CACNB2: variants seen among roughly 807,000 people sequenced by gnomAD.
The protein encoded by CACNB2 is voltage-dependent L-type calcium channel subunit beta-2.
A neutral mutation model predicts 73.3 loss-of-function variants in CACNB2; 42 were observed. The observed-to-expected ratio is 0.57, with a 90% CI of 0.45 to 0.74. The LOEUF (loss-of-function observed/expected upper bound fraction) is 0.74. Ranked by LOEUF, CACNB2 falls within the 30% of genes least tolerant of loss-of-function variation. The pLI is 0.00. For missense variants in CACNB2, 940 were observed against 853.0 expected (o/e 1.10, Z -1.27); for synonymous variants, 348 against 310.3 (o/e 1.12, Z -1.28).
intron 2 of CACNB2, among the ~76,000 whole-genome samples, chr10:18,361,612 CT>C (rs56220879): frequency 0.012 from 1,562 of 125,362 alleles, 31 homozygotes; most frequent in African/African-American, 0.034. Context: ...AGGTAAAATT[CT>C]TTTTTTTTTT....
At chr10:18,206,841 A>C (rs2035116940) in intron 2 of CACNB2, 1 of 152,164 alleles carries the variant, frequency 6.6e-6, no homozygotes, top group Admixed American at 6.5e-5. Context: ...AAGCCAACCA[A>C]AGTTTTAAGT....
At chr10:18,489,953 C>G (rs1359632847) in intron 3 of CACNB2, among the ~76,000 whole-genome samples, 2 of 152,138 alleles carry the variant, frequency 1.3e-5, no homozygotes. Context: ...TCATGGCTCA[C>G]TGCACCCTTG....
chr10:18,438,264 C>A (rs2046247886), intron 3 of CACNB2, among the ~76,000 whole-genome samples: 1 of 150,062 alleles, frequency 6.7e-6, no homozygotes. Flanking sequence ...CTCCTGACCT[C>A]GTGGTCCGCC....
At chr10:18,296,290 A>G (rs7089228) in intron 2 of CACNB2, among the ~76,000 whole-genome samples, 48,914 of 151,644 alleles carry the variant, frequency 0.32, 7,985 homozygotes, top group Middle Eastern at 0.35. Context: ...CCCTTTCTGG[A>G]TTACATTAGG....
At chr10:18,486,875 G>A (rs776228242) in intron 3 of CACNB2, among the ~76,000 whole-genome samples, 2 of 152,142 alleles carry the variant, frequency 1.3e-5, no homozygotes, top group African/African-American at 2.4e-5. Context: ...ATTGTCTCAC[G>A]GCAGGGAAAT....
In CACNB2 at chr10:18,183,981, A is replaced by G. The variant is rs556675662; in HGVS notation, c.213+33006A>G. Among the ~76,000 whole-genome samples the G allele has an allele frequency of 2.0e-5, 3 of 152,336 alleles. No individual in the cohort carries two copies. In the East Asian group the frequency reaches 5.8e-4, roughly 29 times the overall value. ...TGCAGATGAAACAATTATAGTACCT[A>G]TCTAATTGAGTTGTTGAAAGGATTA... is the stretch of plus-strand genomic sequence containing the variant. On this transcript the variant is annotated intron_variant, in intron 2 of 13. Transcript: ENST00000324631.
chr10:18,413,558 C>A (rs1451110668), intron 3 of CACNB2, among the ~76,000 whole-genome samples: 4 of 152,190 alleles, frequency 2.6e-5, no homozygotes, highest in Non-Finnish European at 5.9e-5. Flanking sequence ...TTTCCATTCT[C>A]ATTACCTCCA....
intron 2 of CACNB2, among the ~76,000 whole-genome samples, chr10:18,289,477 G>T (rs1238883743): frequency 6.6e-6 from 1 of 151,670 alleles, no homozygotes; most frequent in Non-Finnish European, 1.5e-5. Flanking sequence ...TGTATTTTTA[G>T]TAGAGATGGA....
chr10:18,287,164 A>G (rs568768899), intron 2 of CACNB2, among the ~76,000 whole-genome samples: 1 of 152,152 alleles, frequency 6.6e-6, no homozygotes, highest in African/African-American at 2.4e-5. Flanking sequence ...CCCCGTCTCT[A>G]CTAAAAACAC....
intron 2 of CACNB2, among the ~76,000 whole-genome samples, chr10:18,249,159 A>G (rs1588841634): frequency 1.3e-5 from 2 of 152,098 alleles, no homozygotes; most frequent in South Asian, 4.1e-4. Context: ...CTCTAAAAAG[A>G]CCTTCCCACT....
At chr10:18,473,718 TGAA>T (rs2048303905) in intron 3 of CACNB2, among the ~76,000 whole-genome samples, 1 of 152,230 alleles carries the variant, frequency 6.6e-6, no homozygotes, top group African/African-American at 2.4e-5. Context: ...ATAGCCGAAG[TGAA>T]GAAGGAGATT....
intron 3 of CACNB2, among the ~76,000 whole-genome samples, chr10:18,497,462 C>G (rs547719355): frequency 6.6e-6 from 1 of 152,048 alleles, no homozygotes; most frequent in Non-Finnish European, 1.5e-5. Context: ...CTTTGTCCCC[C>G]GGGCTGGAGT....
chr10:18,543,453 A>G lies in CACNB2; in HGVS notation c.*3729A>G, dbSNP rs2054145917. ...TTTGCTTCATTATTTAAAACATGAC[A>G]CAGGGTTTTAAAGTAAATGTACTCA... On this transcript the variant is annotated 3_prime_UTR_variant, in exon 14 of 14. Transcript: ENST00000324631. 1 of 152,216 alleles carries G rather than the reference A, an allele frequency of 6.6e-6. No individual in the cohort carries two copies. The highest frequency in any genetic ancestry group is 1.5e-5 in the Non-Finnish European group (1 of 68,032). The allele number at this position is 152,216 out of a possible 1,614,324, so 9.4% of individuals were successfully genotyped here.
intron 3 of CACNB2, among the ~76,000 whole-genome samples, chr10:18,494,231 T>C (rs765557072): frequency 6.6e-6 from 1 of 152,202 alleles, no homozygotes; most frequent in Non-Finnish European, 1.5e-5. Flanking sequence ...GTAGAAGTCA[T>C]AAGATTTTCT....
chr10:18,240,381 C>G (rs1015962206), intron 2 of CACNB2, among the ~76,000 whole-genome samples: 3 of 152,130 alleles, frequency 2.0e-5, no homozygotes, highest in African/African-American at 7.2e-5. Flanking sequence ...CGGTTCCAAG[C>G]AGCGTGGTAT....
At chr10:18,180,279 C>A (rs1192838711) in intron 2 of CACNB2, among the ~76,000 whole-genome samples, 3 of 152,116 alleles carry the variant, frequency 2.0e-5, no homozygotes, top group Non-Finnish European at 4.4e-5. Flanking sequence ...GAGGGGTGGT[C>A]TAAGAGCCTG....
At chr10:18,227,149 G>T (rs549497358) in intron 2 of CACNB2, among the ~76,000 whole-genome samples, 1 of 152,288 alleles carries the variant, frequency 6.6e-6, no homozygotes, top group African/African-American at 2.4e-5. Context: ...TCGTAATGGG[G>T]TCAGTAGCAC....
chr10:18,290,213 C>G (rs935964052), intron 2 of CACNB2, among the ~76,000 whole-genome samples: 3 of 129,652 alleles, frequency 2.3e-5, no homozygotes, highest in Non-Finnish European at 3.1e-5. Flanking sequence ...TTTTTATAGA[C>G]ACGGGGTTTC....
intron 10 of CACNB2, among the ~76,000 whole-genome samples, chr10:18,533,706 A>G (rs2053286217): frequency 6.6e-6 from 1 of 152,248 alleles, no homozygotes; most frequent in Non-Finnish European, 1.5e-5. Context: ...TTGCTAATGC[A>G]AAGTGGTCTG....
Sources: allele counts gnomAD v4.1 joint callset (sites outside exome capture counted in the v4.1 genomes callset), GRCh38; gene constraint gnomAD v4.1.1; transcripts MANE v1.5; gene names NCBI Gene and HGNC (gene_info 2026-07-23, HGNC 2026-07-21).